The following PAAF1 variants were observed in gnomAD, a reference collection of about 807,000 sequenced individuals.
The protein encoded by PAAF1 is proteasomal ATPase-associated factor 1.
Under a neutral mutation model 52.8 loss-of-function variants are expected in PAAF1, and 46 were observed. That is an observed-to-expected ratio of 0.87 (90% CI 0.69 to 1.11). The LOEUF (loss-of-function observed/expected upper bound fraction) is 1.11. Among genes scored for constraint, PAAF1 ranks in the 50% most tolerant of loss-of-function variants. The pLI is 0.00. For missense variants in PAAF1, 424 were observed against 477.4 expected (o/e 0.89, Z 1.04); for synonymous variants, 178 against 172.8 (o/e 1.03, Z -0.24).
chr11:73,882,434 T>G (rs1591039819), intron 2 of PAAF1, among the ~76,000 whole-genome samples: 1 of 151,180 alleles, frequency 6.6e-6, no homozygotes, highest in Admixed American at 6.6e-5. Context: ...TTTTTATTTT[T>G]ATTATTTATT....
upstream of PAAF1, chr11:73,876,923 C>G: frequency 8.3e-7 from 1 of 1,209,828 alleles, no homozygotes; most frequent in Non-Finnish European, 1.1e-6. Context: ...CATTGGTGGC[C>G]TCTTGGTGTT....
chr11:73,927,314 A>T lies in PAAF1; in HGVS notation c.1131A>T (p.Thr377=), dbSNP rs138539442. The T allele has an allele frequency of 1.1e-5, 17 of 1,614,170 alleles. No individual in the cohort carries two copies. Among genetic ancestry groups the T allele is most frequent in the Middle Eastern group, 3.3e-4 (2 of 6,062 alleles). The change falls in exon 12 of 12, where the codon ACA becomes ACT. Residue 377 remains threonine (T), a synonymous_variant. Transcript: ENST00000310571. ...KVATWEKQIY[T]CCRDGLVRRY... ...CCACATGGGAGAAGCAGATCTACAC[A>T]TGCTGTCGAGACGGTCTTGTACGAC...
intron 9 of PAAF1, among the ~76,000 whole-genome samples, chr11:73,918,375 T>G (rs1294073901): frequency 7.1e-6 from 1 of 141,788 alleles, no homozygotes; most frequent in Non-Finnish European, 1.5e-5. Context: ...TTTTTTTTTT[T>G]TTTTTTTTGC....
At chr11:73,900,001 C>CT (rs201364777) in intron 5 of PAAF1, among the ~76,000 whole-genome samples, 1,633 of 144,958 alleles carry the variant, frequency 0.011, 9 homozygotes, top group Non-Finnish European at 0.019. Flanking sequence ...CCATGGAATT[C>CT]TTTTTTTTTT....
At chr11:73,921,393 C>CT (rs34598736) in intron 10 of PAAF1, among the ~76,000 whole-genome samples, 15,828 of 145,812 alleles carry the variant, frequency 0.11, 889 homozygotes, top group East Asian at 0.19. Flanking sequence ...ACTTTTTGTA[C>CT]TTTTTTTTTT....
intron 6 of PAAF1, among the ~76,000 whole-genome samples, chr11:73,908,787 T>TA (rs561128628): frequency 4.1e-4 from 63 of 152,038 alleles, no homozygotes; most frequent in African/African-American, 1.5e-3. Context: ...AATTTTTATT[T>TA]TTTATTTATT....
intron 10 of PAAF1, among the ~76,000 whole-genome samples, chr11:73,922,835 A>C (rs1022519859): frequency 6.8e-6 from 1 of 147,830 alleles, no homozygotes; most frequent in African/African-American, 2.4e-5. Context: ...AAAAAAAAAA[A>C]GAAGTTGGAT....
intron 2 of PAAF1, chr11:73,880,724 C>T (rs1948878701): frequency 7.2e-6 from 1 of 138,040 alleles, no homozygotes; most frequent in Non-Finnish European, 1.5e-5. Context: ...AAAAGCCAGG[C>T]ACAGCAGCTC....
intron 1 of PAAF1, chr11:73,877,353 G>A: frequency 3.3e-6 from 1 of 302,116 alleles, no homozygotes. Flanking sequence ...AAGGCTTTTG[G>A]CCAAGCAGTC....
rs1950414673 is a variant in PAAF1 at position 73,928,713 on chromosome 11, T to C, written c.*1351T>C. 6.6e-6 allele frequency: 1 copy of C among 152,262 alleles called. No homozygotes were observed. 9.4% of individuals were successfully genotyped at this position (152,262 alleles called of 1,614,324 possible). On this transcript the variant is annotated 3_prime_UTR_variant, in exon 12 of 12. Coordinates refer to ENST00000310571, the MANE Select transcript of PAAF1 (RefSeq NM_025155.3). ...TCATTTCTGGCTGGGGTAATAATGT[T>C]GTTGACAGAGTTCTTTTTTTTGTTT...
chr11:73,877,092 T>G (rs1430301758), intron 1 of PAAF1, 24 bp downstream of exon 1: 16 of 1,510,356 alleles, frequency 1.1e-5, no homozygotes, highest in Non-Finnish European at 1.4e-5. Flanking sequence ...CAGAACAGAG[T>G]CAGAGGAGGC....
At chr11:73,922,058 G>A (rs937443683) in intron 10 of PAAF1, 19 of 836,886 alleles carry the variant, frequency 2.3e-5, no homozygotes, top group African/African-American at 3.4e-5. Context: ...ACTAATAGAT[G>A]GCTTCATCCA....
At position 73,887,019 on chromosome 11, in the gene PAAF1, T is replaced by C. The variant is rs1163031469; in HGVS notation, c.89-335T>C. Reference sequence around the variant, plus strand: ...CTGCATACACTGGCTCCCCTTCTCCTTCTGCCATGAGTGGAAGCAGCCTGA... The same window carrying C: ...CTGCATACACTGGCTCCCCTTCTCCCTCTGCCATGAGTGGAAGCAGCCTGA... On this transcript the variant is annotated intron_variant, in intron 2 of 11. Transcript: ENST00000310571. 4 of 453,162 alleles carry C rather than the reference T, an allele frequency of 8.8e-6. No homozygotes were observed. In the East Asian group the frequency reaches 2.1e-4, roughly 24 times the overall value. 28.1% of individuals were successfully genotyped at this position (453,162 alleles called of 1,614,324 possible). A position where few individuals can be genotyped will look rare whatever the true frequency, so the allele number is the denominator to read the frequency against.
At chr11:73,914,916 GACTAGTCTCAA>G (rs918412554) in intron 8 of PAAF1, among the ~76,000 whole-genome samples, 3 of 151,962 alleles carry the variant, frequency 2.0e-5, no homozygotes, top group African/African-American at 4.8e-5. Flanking sequence ...ATGTTGGCCA[GACTAGTCTCAA>G]ACTCCTGACT....
chr11:73,895,802 T>C (rs1201999270), intron 4 of PAAF1, among the ~76,000 whole-genome samples: 2 of 152,182 alleles, frequency 1.3e-5, no homozygotes, highest in African/African-American at 4.8e-5. Context: ...AAGTGATTGC[T>C]GATACTGAAA....
chr11:73,925,598 T>C (rs1421971798), intron 11 of PAAF1, among the ~76,000 whole-genome samples: 7 of 152,124 alleles, frequency 4.6e-5, no homozygotes, highest in Non-Finnish European at 1.0e-4. Flanking sequence ...ATTCTATAAA[T>C]ATTATTCATT....
chr11:73,901,871 T>TC (rs1491412506), intron 6 of PAAF1, among the ~76,000 whole-genome samples: 2 of 95,698 alleles, frequency 2.1e-5, no homozygotes, highest in East Asian at 5.3e-4. Flanking sequence ...GCGCCTTGCC[T>TC]TTTTTTTTTT....
chr11:73,908,934 A>C (rs895378486), intron 6 of PAAF1, among the ~76,000 whole-genome samples: 1 of 151,952 alleles, frequency 6.6e-6, no homozygotes, highest in African/African-American at 2.4e-5. Context: ...GATTACAGGC[A>C]TGTGTCACCA....
rs370008556 is a variant in PAAF1 at position 73,878,829 on chromosome 11, A to G, written c.88+10A>G. ...AGCTGTCATCCCCCAGGTAATACCCATGAATTATATATGCTGTGACTTTAA... is the reference window on the plus strand; with the variant it reads ...AGCTGTCATCCCCCAGGTAATACCCGTGAATTATATATGCTGTGACTTTAA... On this transcript the variant is annotated intron_variant, in intron 2 of 11. Transcript: ENST00000310571. 42 of 1,612,478 alleles carry G rather than the reference A, an allele frequency of 2.6e-5. No homozygotes were observed. The highest frequency in any genetic ancestry group is 1.6e-4 in the Middle Eastern group (1 of 6,080).
Sources: gnomAD v4.1 joint callset for allele counts (sites outside exome capture counted in the v4.1 genomes callset) on GRCh38, gnomAD v4.1.1 for gene constraint, MANE v1.5 for transcripts, NCBI Gene and HGNC (gene_info 2026-07-23, HGNC 2026-07-21) for gene names.